The following PRMT2 variants were observed in gnomAD, a reference collection of about 807,000 sequenced individuals.
The protein encoded by PRMT2 is protein arginine methyltransferase 2.
In PRMT2, 26 loss-of-function variants were observed where a neutral mutation model predicts 57.6. That is an observed-to-expected ratio of 0.45 (90% CI 0.33 to 0.63). The LOEUF (loss-of-function observed/expected upper bound fraction) is 0.63, where lower values mean the gene tolerates loss of function less well. Ranked by LOEUF, PRMT2 falls within the 20% of genes least tolerant of loss-of-function variation. The pLI, the probability that PRMT2 is intolerant of heterozygous loss-of-function variation, is 0.02. For synonymous variants in PRMT2, 219 were observed against 220.0 expected (o/e 1.00, Z 0.04); for missense variants, 472 against 564.4 (o/e 0.84, Z 1.66).
intron 7 of PRMT2, among the ~76,000 whole-genome samples, chr21:46,650,954 T>A (rs2061440448): frequency 6.6e-6 from 1 of 152,204 alleles, no homozygotes; most frequent in Admixed American, 6.5e-5. Flanking sequence ...GTCTGAGGAC[T>A]TTGTGCCACG....
intron 8 of PRMT2, among the ~76,000 whole-genome samples, chr21:46,660,361 G>T (rs1159104349): frequency 6.6e-6 from 1 of 152,200 alleles, no homozygotes; most frequent in Non-Finnish European, 1.5e-5. Context: ...AGCCCTTCTA[G>T]TTCCTTTCGT....
At chr21:46,646,449 C>T (rs1973643238) in intron 5 of PRMT2, among the ~76,000 whole-genome samples, 2 of 152,282 alleles carry the variant, frequency 1.3e-5, no homozygotes, top group South Asian at 4.1e-4. Context: ...ATGTATTTTA[C>T]GTTTTTAATG....
At chr21:46,647,684 A>G (rs765737993) in intron 5 of PRMT2, among the ~76,000 whole-genome samples, 4 of 152,346 alleles carry the variant, frequency 2.6e-5, no homozygotes, top group Middle Eastern at 6.8e-3. Context: ...TATTTTAAAC[A>G]ATGAGATTTT....
At chr21:46,653,770 A>G (rs2061498116) in intron 7 of PRMT2, 2 of 1,153,044 alleles carry the variant, frequency 1.7e-6, no homozygotes, top group Non-Finnish European at 2.2e-6. Flanking sequence ...AGCTTGCCTC[A>G]TACAAAGTAC....
intron 4 of PRMT2, among the ~76,000 whole-genome samples, chr21:46,643,860 C>A (rs2061322221): frequency 6.6e-6 from 1 of 152,188 alleles, no homozygotes; most frequent in Non-Finnish European, 1.5e-5. Flanking sequence ...GGGGCAGAAG[C>A]ACCTGTTCTG....
intron 8 of PRMT2, chr21:46,659,541 C>A: frequency 2.1e-6 from 2 of 957,010 alleles, no homozygotes; most frequent in Non-Finnish European, 2.5e-6. Flanking sequence ...AATAAAATTA[C>A]CAATAAATAT....
chr21:46,659,875 G>T (rs897627436), intron 8 of PRMT2: 16 of 985,288 alleles, frequency 1.6e-5, no homozygotes, highest in Non-Finnish European at 1.8e-5. Flanking sequence ...GATATGTAAT[G>T]ATATTTAGAA....
At chr21:46,647,736 A>T (rs1879215762) in intron 5 of PRMT2, among the ~76,000 whole-genome samples, 1 of 152,242 alleles carries the variant, frequency 6.6e-6, no homozygotes, top group Non-Finnish European at 1.5e-5. Flanking sequence ...TAAAAAATAT[A>T]ATGTAAAATT....
At chr21:46,650,306 G>A (rs1051353260) in intron 7 of PRMT2, among the ~76,000 whole-genome samples, 2 of 152,130 alleles carry the variant, frequency 1.3e-5, no homozygotes, top group Non-Finnish European at 2.9e-5. Flanking sequence ...GTCTTCCTGG[G>A]CTCAGCATCC....
At position 46,664,899 on chromosome 21, in the gene PRMT2, T is replaced by C. The variant is rs888520667; in HGVS notation, c.*572T>C. 1 of 153,718 alleles carries C rather than the reference T, an allele frequency of 6.5e-6. No individual in the cohort carries two copies. Among genetic ancestry groups the C allele is most frequent in the African/African-American group, 2.4e-5 (1 of 41,500 alleles). 9.5% of individuals were successfully genotyped at this position (153,718 alleles called of 1,614,324 possible). A position where few individuals can be genotyped will look rare whatever the true frequency, so the allele number is the denominator to read the frequency against. On this transcript the variant is annotated 3_prime_UTR_variant, in exon 12 of 12. Transcript: ENST00000355680. The stretch of plus-strand genomic sequence containing the variant: ...GTGTAGACGTCTTCCAAATAAATTA[T>C]GTGTTGGTCCATCGCACATGCTCAA...
At chr21:46,646,856 G>T (rs577995278) in intron 5 of PRMT2, among the ~76,000 whole-genome samples, 4 of 152,294 alleles carry the variant, frequency 2.6e-5, no homozygotes, top group African/African-American at 7.2e-5. Flanking sequence ...GAATTATGAA[G>T]AACAAAGCTT....
chr21:46,660,711 G>C, intron 8 of PRMT2, 122 bp from the exon 9 acceptor site: 1 of 1,309,124 alleles, frequency 7.6e-7, no homozygotes, highest in African/African-American at 1.5e-5. Flanking sequence ...CAGGGCCCCA[G>C]ATAGTGGCTT....
intron 7 of PRMT2, chr21:46,651,901 C>T (rs774377515): frequency 1.9e-6 from 3 of 1,613,076 alleles, no homozygotes; most frequent in East Asian, 2.2e-5. Flanking sequence ...TCCCCTGCAC[C>T]TGTGCGTCTG....
chr21:46,637,537 T>C (rs1410245419), intron 3 of PRMT2, among the ~76,000 whole-genome samples: 2 of 152,210 alleles, frequency 1.3e-5, no homozygotes, highest in Admixed American at 6.5e-5. Context: ...TTTTCTTTTT[T>C]TCTCTTTCAT....
At chr21:46,641,992 A>C (rs2061285274) in intron 3 of PRMT2, among the ~76,000 whole-genome samples, 2 of 152,206 alleles carry the variant, frequency 1.3e-5, no homozygotes, top group Non-Finnish European at 2.9e-5. Context: ...TAACCACACA[A>C]AGAGAGGGAA....
At chr21:46,656,300 G>T (rs2061540780) in intron 7 of PRMT2, among the ~76,000 whole-genome samples, 1 of 152,158 alleles carries the variant, frequency 6.6e-6, no homozygotes, top group African/African-American at 2.4e-5. Context: ...CCAACCAGCA[G>T]AACCATGAGC....
Position 46,661,832 on chromosome 21 carries a change from GA to G in PRMT2, c.995del (p.Lys332ArgfsTer45). ...GGGGCGAGCTGCGCTTCGACATCAGGAAGGCGGGGACCCTGCACGGCTTCAC... is the reference window on the plus strand; with the variant it reads ...GGGGCGAGCTGCGCTTCGACATCAGGAGGCGGGGACCCTGCACGGCTTCAC... Reference protein sequence around the residue: ...LRGELRFDIRKAGTLHGFTAW... With the variant: ...LRGELRFDIRXAGTLHGFTAW... On this transcript the variant is annotated frameshift_variant, in exon 10 of 12. Coordinates refer to ENST00000355680, the MANE Select transcript of PRMT2 (RefSeq NM_206962.4). LOFTEE classifies it high-confidence loss of function. 6.7e-7 allele frequency: 1 copy of G among 1,494,012 alleles called. No homozygotes were observed. Among genetic ancestry groups the G allele is most frequent in the Non-Finnish European group, 9.0e-7 (1 of 1,115,304 alleles). The allele number at this position is 1,494,012 out of a possible 1,614,324, so 92.5% of individuals were successfully genotyped here.
rs1416198892 is a variant in PRMT2 at position 46,665,118 on chromosome 21, A to G, written c.*791A>G. On this transcript the variant is annotated 3_prime_UTR_variant, in exon 12 of 12. Transcript: ENST00000355680. Reference sequence around the variant, plus strand: ...TTTTGATTTTTATTAAATTTTATTGAAATATAGGCTGGGTGCAGTGGCTTA... The same window carrying G: ...TTTTGATTTTTATTAAATTTTATTGGAATATAGGCTGGGTGCAGTGGCTTA... 4 of 152,074 alleles carry G rather than the reference A, an allele frequency of 2.6e-5. No individual in the cohort carries two copies. The highest frequency in any genetic ancestry group is 7.2e-5 in the African/African-American group (3 of 41,410). The allele number at this position is 152,074 out of a possible 1,614,324, so 9.4% of individuals were successfully genotyped here. A position where few individuals can be genotyped will look rare whatever the true frequency, so the allele number is the denominator to read the frequency against.
At chr21:46,651,304 G>A (rs1316393148) in intron 7 of PRMT2, among the ~76,000 whole-genome samples, 4 of 152,178 alleles carry the variant, frequency 2.6e-5, no homozygotes, top group African/African-American at 4.8e-5. Context: ...GCCCTGAGCC[G>A]CAGGGAGTGG....
Sources: allele counts gnomAD v4.1 joint callset (sites outside exome capture counted in the v4.1 genomes callset), GRCh38; gene constraint gnomAD v4.1.1; transcripts MANE v1.5; gene names NCBI Gene and HGNC (gene_info 2026-07-23, HGNC 2026-07-21).